Variants in MRTO4 observed in about 807,000 individuals in gnomAD.
The protein encoded by MRTO4 is mRNA turnover protein 4 homolog.
MRTO4 carries 7 observed loss-of-function variants against 28.6 expected under a neutral mutation model. The ratio of observed to expected loss-of-function variants is 0.24; its 90% CI spans 0.14 to 0.46. MRTO4 has a LOEUF of 0.46. Ranked by LOEUF, MRTO4 falls within the 20% of genes least tolerant of loss-of-function variation. The pLI is 0.99. For synonymous variants in MRTO4, 113 were observed against 108.2 expected (o/e 1.04, Z -0.27); for missense variants, 302 against 298.3 (o/e 1.01, Z -0.09).
At chr1:19,255,885 G>A in intron 2 of MRTO4, 63 bp from the exon 3 acceptor site, 1 of 1,384,414 alleles carries the variant, frequency 7.2e-7, no homozygotes, top group African/African-American at 1.4e-5. Flanking sequence ...TCTCATCTGA[G>A]GCCAGAGTAG....
At chr1:19,258,393 T>A (rs2093674777) in intron 6 of MRTO4, 84 bp from the exon 7 acceptor site, 1 of 1,539,058 alleles carries the variant, frequency 6.5e-7, no homozygotes, top group Non-Finnish European at 8.9e-7. Context: ...GGTGGCTGAC[T>A]GGATTCCTCC....
At chr1:19,255,901 G>C (rs369977727) in intron 2 of MRTO4, 47 bp from the exon 3 acceptor site, 1 of 1,519,342 alleles carries the variant, frequency 6.6e-7, no homozygotes, top group Non-Finnish European at 9.1e-7. Context: ...AGTAGTGCCC[G>C]TTGTATGCTG....
Position 19,258,886 on chromosome 1 carries a change from G to A in MRTO4, c.*56G>A. On this transcript the variant is annotated 3_prime_UTR_variant, in exon 8 of 8. Transcript: ENST00000330263. The stretch of plus-strand genomic sequence containing the variant: ...GCTTCTGGGTCTCACTGGACCATCA[G>A]GACTGCTGCCGCCCCTCTGGAGAGA... The A allele has an allele frequency of 6.3e-7, 1 of 1,577,020 alleles. No homozygotes were observed. Among genetic ancestry groups the A allele is most frequent in the Non-Finnish European group, 8.6e-7 (1 of 1,161,928 alleles).
chr1:19,256,085 T>TG (rs1445671399), intron 3 of MRTO4, 34 bp downstream of exon 3: 3 of 1,590,644 alleles, frequency 1.9e-6, no homozygotes, highest in Middle Eastern at 1.7e-4. Flanking sequence ...CCCTTCTGAG[T>TG]GGGGACCCGG....
chr1:19,257,637 C>T, intron 5 of MRTO4, 116 bp downstream of exon 5: 1 of 1,412,626 alleles, frequency 7.1e-7, no homozygotes, highest in East Asian at 2.3e-5. Context: ...TCCTGGAAGC[C>T]TGTCACTGAG....
chr1:19,252,001 G>C, intron 1 of MRTO4, 138 bp downstream of exon 1: 1 of 1,272,364 alleles, frequency 7.9e-7, no homozygotes, highest in Non-Finnish European at 1.1e-6. Context: ...CTCGCTGCGA[G>C]CTGGAATGGG....
Position 19,251,861 on chromosome 1 carries a change from A to G in MRTO4, c.26A>G (p.Lys9Arg), listed in dbSNP as rs2093661155. The G allele has an allele frequency of 2.5e-6, 4 of 1,591,428 alleles. No individual in the cohort carries two copies. Among genetic ancestry groups the G allele is most frequent in the Non-Finnish European group, 3.4e-6 (4 of 1,169,686 alleles). MPKSKRDK[K>R]VSLTKTAKKG... ...ATGCCCAAATCCAAGCGCGACAAGAAAGGTGGGCGAAGGGGGAGTCGGGAC... is the reference window on the plus strand; with the variant it reads ...ATGCCCAAATCCAAGCGCGACAAGAGAGGTGGGCGAAGGGGGAGTCGGGAC... Residue 9 changes from lysine to arginine, a missense_variant and splice_region_variant, in exon 1 of 8, where the codon AAA becomes AGA. Transcript: ENST00000330263.
chr1:19,258,884 C>A lies in MRTO4; in HGVS notation c.*54C>A. 6.3e-7 allele frequency: 1 copy of A among 1,581,582 alleles called. No individual in the cohort carries two copies. Among genetic ancestry groups the A allele is most frequent in the Non-Finnish European group, 8.6e-7 (1 of 1,163,998 alleles). On this transcript the variant is annotated 3_prime_UTR_variant, in exon 8 of 8. Coordinates refer to ENST00000330263, the MANE Select transcript of MRTO4 (RefSeq NM_016183.4). ...AAGCTTCTGGGTCTCACTGGACCAT[C>A]AGGACTGCTGCCGCCCCTCTGGAGA...
Position 19,251,808 on chromosome 1 carries a change from G to C in MRTO4, c.-28G>C. ...CGCCGGGGTCCTAACGGGGTGCACC[G>C]TCTTCCGCCGCACGTGGATTCAGCG... On this transcript the variant is annotated 5_prime_UTR_variant, in exon 1 of 8. Transcript: ENST00000330263. 6.4e-7 allele frequency: 1 copy of C among 1,563,632 alleles called. No homozygotes were observed. Among genetic ancestry groups the C allele is most frequent in the Non-Finnish European group, 8.7e-7 (1 of 1,155,128 alleles).
intron 1 of MRTO4, among the ~76,000 whole-genome samples, chr1:19,253,151 G>T (rs2093665858): frequency 6.6e-6 from 1 of 152,218 alleles, no homozygotes; most frequent in African/African-American, 2.4e-5. Flanking sequence ...ATTGAAAATG[G>T]GGTGAAGAGA....
rs187287571 is a variant in MRTO4 at position 19,255,086 on chromosome 1, G to A, written c.87+246G>A. On this transcript the variant is annotated intron_variant, in intron 2 of 7. Coordinates refer to ENST00000330263, the MANE Select transcript of MRTO4 (RefSeq NM_016183.4). ...CTGTCCTGCACTGTGTTTCTTATGCGTTGTTCCACTCCATCCTCATAACAT... is the reference window on the plus strand; with the variant it reads ...CTGTCCTGCACTGTGTTTCTTATGCATTGTTCCACTCCATCCTCATAACAT... 3.3e-5 allele frequency among the ~76,000 whole-genome samples: 5 copies of A among 152,120 alleles called. No homozygotes were observed. The East Asian group carries it at 9.7e-4, about 29-fold the overall frequency.
At chr1:19,256,474 C>T (rs545047638) in intron 3 of MRTO4, among the ~76,000 whole-genome samples, 1 of 151,286 alleles carries the variant, frequency 6.6e-6, no homozygotes, top group Non-Finnish European at 1.5e-5. Flanking sequence ...TGAGATTGCA[C>T]CATCGCACTC....
chr1:19,253,579 A>C (rs756158805), intron 1 of MRTO4, among the ~76,000 whole-genome samples: 2 of 152,238 alleles, frequency 1.3e-5, no homozygotes, highest in Non-Finnish European at 2.9e-5. Flanking sequence ...GAATGGAAGC[A>C]GTGAGACCAG....
Position 19,259,866 on chromosome 1 carries a change from T to C in MRTO4, c.*1036T>C, listed in dbSNP as rs1063985. ...GCATCCTGGGAGGTTTTATCCTTGG[T>C]GACTCTAATGGTAGATTTTTGTCCA... On this transcript the variant is annotated 3_prime_UTR_variant, in exon 8 of 8. Coordinates refer to ENST00000330263, the MANE Select transcript of MRTO4 (RefSeq NM_016183.4). 0.16 allele frequency: 24,867 copies of C among 152,216 alleles called. 3,204 individuals are homozygous for C. The highest frequency in any genetic ancestry group is 0.36 in the African/African-American group (15,050 of 41,494). The allele number at this position is 152,216 out of a possible 1,614,324, so 9.4% of individuals were successfully genotyped here. A position where few individuals can be genotyped will look rare whatever the true frequency, so the allele number is the denominator to read the frequency against.
In MRTO4 at chr1:19,259,212, T is replaced by C. The variant is rs2093676455; in HGVS notation, c.*382T>C. The C allele has an allele frequency of 5.9e-6, 1 of 170,124 alleles. No individual in the cohort carries two copies. The highest frequency in any genetic ancestry group is 1.5e-4 in the South Asian group (1 of 6,848). The allele number at this position is 170,124 out of a possible 1,614,324, so 10.5% of individuals were successfully genotyped here. On this transcript the variant is annotated 3_prime_UTR_variant, in exon 8 of 8. Transcript: ENST00000330263. ...CCCGGGAGGTGGAGGTTGCCGTGAG[T>C]TGAGATTGGACCACTGCTCTCCAGC...
chr1:19,256,802 A>T (rs2093672108), intron 3 of MRTO4, among the ~76,000 whole-genome samples: 1 of 152,192 alleles, frequency 6.6e-6, no homozygotes, highest in South Asian at 2.1e-4. Flanking sequence ...TGCCTCCCGC[A>T]TACATCCAGA....
rs763755221 is a variant in MRTO4, at chr1:19,251,830, A to C, written c.-6A>C. ...ACCGTCTTCCGCCGCACGTGGATTC[A>C]GCGCGATGCCCAAATCCAAGCGCGA... On this transcript the variant is annotated 5_prime_UTR_variant, in exon 1 of 8. Coordinates refer to ENST00000330263, the MANE Select transcript of MRTO4 (RefSeq NM_016183.4). The C allele has an allele frequency of 2.8e-5, 45 of 1,580,440 alleles. No individual in the cohort carries two copies. The Admixed American group carries it at 7.6e-4, about 27-fold the overall frequency.
At chr1:19,256,479 G>A (rs760911694) in intron 3 of MRTO4, among the ~76,000 whole-genome samples, 10 of 150,282 alleles carry the variant, frequency 6.7e-5, no homozygotes, top group East Asian at 1.9e-4. Context: ...TTGCACCATC[G>A]CACTCCAGCC....
chr1:19,254,895 A>G, intron 2 of MRTO4, 55 bp downstream of exon 2: 1 of 1,476,522 alleles, frequency 6.8e-7, no homozygotes, highest in Non-Finnish European at 9.2e-7. Context: ...AAAGGTAGGT[A>G]TAGGACTGTT....
Sources: allele counts gnomAD v4.1 joint callset (sites outside exome capture counted in the v4.1 genomes callset), GRCh38; gene constraint gnomAD v4.1.1; transcripts MANE v1.5; gene names NCBI Gene and HGNC (gene_info 2026-07-23, HGNC 2026-07-21).